Variants in VAV1 observed in about 807,000 individuals in gnomAD.
The protein encoded by VAV1 is proto-oncogene vav.
VAV1 carries 33 observed loss-of-function variants against 128.1 expected under a neutral mutation model. That is an observed-to-expected ratio of 0.26 (90% CI 0.20 to 0.34). The LOEUF (loss-of-function observed/expected upper bound fraction) is 0.34, where lower values mean the gene tolerates loss of function less well. Among genes scored for constraint, VAV1 ranks in the 10% least tolerant of loss-of-function variants. VAV1 has a pLI of 1.00. For missense variants in VAV1, 715 were observed against 1,093.7 expected, an observed-to-expected ratio of 0.65 and a Z score of 4.88; for synonymous variants, 394 against 409.8, an observed-to-expected ratio of 0.96 and a Z score of 0.47.
At chr19:6,797,500 C>T (rs947830242) in intron 1 of VAV1, among the ~76,000 whole-genome samples, 10 of 151,804 alleles carry the variant, frequency 6.6e-5, no homozygotes, top group African/African-American at 1.9e-4. Flanking sequence ...GTTGGGAGTT[C>T]GAGACTCAGC....
intron 19 of VAV1, among the ~76,000 whole-genome samples, chr19:6,834,568 A>G (rs1444670423): frequency 6.8e-6 from 1 of 147,048 alleles, no homozygotes; most frequent in Admixed American, 6.9e-5. Context: ...TTAAAAATAT[A>G]TGTATTTTAT....
At chr19:6,814,798 G>T (rs1486658354) in intron 1 of VAV1, among the ~76,000 whole-genome samples, 1 of 149,512 alleles carries the variant, frequency 6.7e-6, no homozygotes, top group African/African-American at 2.5e-5. Context: ...AATAGAAATG[G>T]TGATAGCAGG....
In VAV1 at chr19:6,833,523, C is replaced by G. The variant is rs1484834618; in HGVS notation, c.1611-5C>G. The G allele has an allele frequency of 4.4e-6, 7 of 1,595,716 alleles. No individual in the cohort carries two copies. Among genetic ancestry groups the G allele is most frequent in the Non-Finnish European group, 4.3e-6 (5 of 1,170,116 alleles). On this transcript the variant is annotated splice_region_variant and splice_polypyrimidine_tract_variant and intron_variant, in intron 16 of 26. Coordinates refer to ENST00000602142, the MANE Select transcript of VAV1 (RefSeq NM_005428.4). ...GCTCTTCTTTATGTGTTCCCTGCAT[C>G]TCAGAGGTACCTTCTATCAGGGCTA...
chr19:6,836,607 A>G, intron 20 of VAV1, 39 bp downstream of exon 20: 1 of 1,610,562 alleles, frequency 6.2e-7, no homozygotes, highest in Non-Finnish European at 8.5e-7. Context: ...GGTGGGACCC[A>G]AGTGTAGGGT....
In VAV1 at chr19:6,826,973, C is replaced by T. The variant is rs1971933497; in HGVS notation, c.927+262C>T. 5.8e-6 allele frequency: 3 copies of T among 521,658 alleles called. No individual in the cohort carries two copies. The highest frequency in any genetic ancestry group is 1.0e-5 in the Non-Finnish European group (3 of 286,016). 32.3% of individuals were successfully genotyped at this position (521,658 alleles called of 1,614,324 possible). A position where few individuals can be genotyped will look rare whatever the true frequency, so the allele number is the denominator to read the frequency against. On this transcript the variant is annotated intron_variant, in intron 9 of 26. Transcript: ENST00000602142. The surrounding 1 kb of genome is among the most constrained non-coding windows in gnomAD (Gnocchi z 4.1). ...ACTGAGCTCTGATCTCACACTCAAC[C>T]CCAGCCCTGGGCTGAGCCCTAGCAC...
intron 1 of VAV1, among the ~76,000 whole-genome samples, chr19:6,798,664 C>T (rs551794829): frequency 2.0e-4 from 31 of 151,420 alleles, no homozygotes; most frequent in African/African-American, 7.1e-4. Flanking sequence ...CCCCTTCCCC[C>T]CCCCACCCAA....
chr19:6,794,360 C>T (rs2144718850), intron 1 of VAV1, among the ~76,000 whole-genome samples: 1 of 152,186 alleles, frequency 6.6e-6, no homozygotes, highest in South Asian at 2.1e-4. Flanking sequence ...GAAAACCAGG[C>T]CAGGCGTGGT....
At chr19:6,807,752 G>A (rs761827709) in intron 1 of VAV1, among the ~76,000 whole-genome samples, 2 of 151,790 alleles carry the variant, frequency 1.3e-5, no homozygotes, top group Admixed American at 1.3e-4. Flanking sequence ...CAGCACTTTG[G>A]GAGGCCAAGG....
At chr19:6,852,643 C>T (rs1454333386) in intron 24 of VAV1, among the ~76,000 whole-genome samples, 1 of 151,834 alleles carries the variant, frequency 6.6e-6, no homozygotes, top group Non-Finnish European at 1.5e-5. Context: ...ATGGCATGAA[C>T]CCTGGAGGCG....
rs1240166735 is a variant in VAV1, at chr19:6,772,977, T to C, written c.170T>C (p.Leu57Pro). Reference sequence around the variant, plus strand: ...AACCTGCTACCCCATGCCATCAACCTGCGTGAGGTCAACCTGCGCCCCCAG... The same window carrying C: ...AACCTGCTACCCCATGCCATCAACCCGCGTGAGGTCAACCTGCGCCCCCAG... ...LNNLLPHAIN[L>P]REVNLRPQMS... Residue 57 changes from leucine to proline, a missense_variant, in exon 1 of 27, where the codon CTG becomes CCG. Transcript: ENST00000602142. The surrounding 1 kb of genome is among the most constrained non-coding windows in gnomAD (Gnocchi z 4.8). The C allele has an allele frequency of 6.2e-7, 1 of 1,614,104 alleles. No individual in the cohort carries two copies. Among genetic ancestry groups the C allele is most frequent in the Non-Finnish European group, 8.5e-7 (1 of 1,179,996 alleles).
intron 1 of VAV1, among the ~76,000 whole-genome samples, chr19:6,789,108 G>A (rs116209622): frequency 6.9e-4 from 105 of 152,290 alleles, no homozygotes; most frequent in African/African-American, 2.2e-3. Context: ...CCCTGGGGGC[G>A]GGCAAACCAG....
intron 1 of VAV1, 127 bp downstream of exon 1, chr19:6,773,138 C>A: frequency 1.6e-6 from 2 of 1,256,632 alleles, no homozygotes; most frequent in South Asian, 2.7e-5. Flanking sequence ...GCTTACAGGT[C>A]CAGGGCTGGC....
chr19:6,847,717 A>G (rs1819001053), intron 22 of VAV1, among the ~76,000 whole-genome samples: 1 of 151,980 alleles, frequency 6.6e-6, no homozygotes, highest in African/African-American at 2.4e-5. Flanking sequence ...AGCCATCGCC[A>G]AATTCCAGAC....
intron 14 of VAV1, among the ~76,000 whole-genome samples, chr19:6,830,583 G>A (rs1338157888): frequency 1.3e-5 from 2 of 151,764 alleles, no homozygotes; most frequent in East Asian, 2.0e-4. Context: ...GGGATTACGG[G>A]CACCCACCAC....
chr19:6,796,683 C>G (rs1568289542), intron 1 of VAV1, among the ~76,000 whole-genome samples: 1 of 152,222 alleles, frequency 6.6e-6, no homozygotes, highest in Non-Finnish European at 1.5e-5. Context: ...AAATGCCACT[C>G]TCTCAATGAG....
intron 1 of VAV1, among the ~76,000 whole-genome samples, chr19:6,799,134 A>G (rs1219443171): frequency 1.5e-4 from 23 of 151,776 alleles, no homozygotes; most frequent in Admixed American, 1.5e-3. Flanking sequence ...CAGTTTGTTT[A>G]TCCATTCATC....
chr19:6,829,692 G>A (rs1362023984), intron 13 of VAV1, 94 bp from the exon 14 acceptor site: 7 of 1,566,956 alleles, frequency 4.5e-6, no homozygotes, highest in Non-Finnish European at 6.1e-6. Flanking sequence ...GGAGGAGAAG[G>A]GCAGGGTGGG....
chr19:6,789,740 G>T (rs1219583601), intron 1 of VAV1, among the ~76,000 whole-genome samples: 1 of 152,128 alleles, frequency 6.6e-6, no homozygotes, highest in African/African-American at 2.4e-5. Flanking sequence ...TGGGTTTATA[G>T]GCATGTGCCA....
intron 25 of VAV1, among the ~76,000 whole-genome samples, chr19:6,853,518 G>A (rs1972717482): frequency 6.6e-6 from 1 of 151,814 alleles, no homozygotes; most frequent in Admixed American, 6.6e-5. Context: ...GAGGTTAGGA[G>A]TTCAAGACCA....
Sources: allele counts gnomAD v4.1 joint callset (sites outside exome capture counted in the v4.1 genomes callset), GRCh38; gene constraint gnomAD v4.1.1; non-coding constraint Gnocchi (gnomAD v3.1); transcripts MANE v1.5; gene names NCBI Gene and HGNC (gene_info 2026-07-23, HGNC 2026-07-21).